The following RAB27B variants were observed in gnomAD, a reference collection of about 807,000 sequenced individuals.
The protein encoded by RAB27B is RAB27B, member RAS oncogene family.
Under a neutral mutation model 24.6 loss-of-function variants are expected in RAB27B, and 15 were observed. The ratio of observed to expected loss-of-function variants is 0.61; its 90% CI spans 0.41 to 0.94. RAB27B has a LOEUF of 0.94. Among genes scored for constraint, RAB27B ranks in the 40% least tolerant of loss-of-function variants. The probability of loss-of-function intolerance (pLI) is 0.00; values close to 1 mark genes in which losing one functional copy is unlikely to be tolerated. For missense variants in RAB27B, 261 were observed against 266.8 expected (o/e 0.98, Z 0.15); for synonymous variants, 105 against 92.5 (o/e 1.14, Z -0.78).
At chr18:54,812,262 G>T (rs112977506) in intron 2 of RAB27B, among the ~76,000 whole-genome samples, 154 of 148,402 alleles carry the variant, frequency 1.0e-3, no homozygotes, top group African/African-American at 3.6e-3. Context: ...ATGAATGAAG[G>T]ATTTGAGTTT....
upstream of RAB27B, among the ~76,000 whole-genome samples, chr18:54,824,735 A>G (rs1317689715): frequency 1.3e-5 from 2 of 152,226 alleles, no homozygotes; most frequent in African/African-American, 4.8e-5. Flanking sequence ...CAGGAAAAAG[A>G]GCAGAACATG....
At chr18:54,789,456 A>G (rs1909184736) in intron 2 of RAB27B, among the ~76,000 whole-genome samples, 1 of 152,156 alleles carries the variant, frequency 6.6e-6, no homozygotes, top group African/African-American at 2.4e-5. Context: ...TGTCCCAATA[A>G]TTAATAAATA....
intron 3 of RAB27B, chr18:54,880,558 T>A (rs1912883837): frequency 2.0e-5 from 3 of 152,140 alleles, no homozygotes; most frequent in Admixed American, 2.0e-4. Context: ...CTGGGCCCTC[T>A]CTGTTAGCTT....
chr18:54,761,765 G>T (rs1048902202), intron 2 of RAB27B, among the ~76,000 whole-genome samples: 3 of 152,174 alleles, frequency 2.0e-5, no homozygotes, highest in African/African-American at 7.2e-5. Flanking sequence ...GTTACCAGAC[G>T]ATGCCTCTGA....
intron 2 of RAB27B, among the ~76,000 whole-genome samples, chr18:54,822,645 G>T (rs879133831): frequency 6.6e-6 from 1 of 152,122 alleles, no homozygotes; most frequent in Admixed American, 6.5e-5. Flanking sequence ...ATGACTTGTA[G>T]AAAATGAATT....
chr18:54,721,849 G>T (rs1417315912), intron 2 of RAB27B, among the ~76,000 whole-genome samples: 1 of 152,188 alleles, frequency 6.6e-6, no homozygotes, highest in East Asian at 1.9e-4. Context: ...TCCTGAAAAA[G>T]TGATGTATCA....
chr18:54,883,445 G>T (rs1913008218), intron 3 of RAB27B, among the ~76,000 whole-genome samples: 1 of 152,148 alleles, frequency 6.6e-6, no homozygotes, highest in Admixed American at 6.6e-5. Flanking sequence ...CTAGTTCAAA[G>T]TTATGTGCCT....
intron 1 of RAB27B, among the ~76,000 whole-genome samples, chr18:54,858,714 C>A (rs1911890266): frequency 6.6e-6 from 1 of 152,094 alleles, no homozygotes; most frequent in Non-Finnish European, 1.5e-5. Context: ...TAAAAATCCC[C>A]TTCTCTCTGC....
chr18:54,725,751 A>AC (rs946879281), intron 2 of RAB27B, among the ~76,000 whole-genome samples: 1 of 151,198 alleles, frequency 6.6e-6, no homozygotes, highest in African/African-American at 2.4e-5. Context: ...GAGGGAAACC[A>AC]CCCCCATGAT....
At chr18:54,733,334 C>T (rs1363766624) in intron 2 of RAB27B, among the ~76,000 whole-genome samples, 1 of 152,178 alleles carries the variant, frequency 6.6e-6, no homozygotes, top group Admixed American at 6.5e-5. Context: ...AGGCATGAGC[C>T]ACCATACCCA....
intron 1 of RAB27B, among the ~76,000 whole-genome samples, chr18:54,867,601 C>A (rs1163021017): frequency 6.6e-6 from 1 of 151,968 alleles, no homozygotes; most frequent in African/African-American, 2.4e-5. Flanking sequence ...CGCGTGCCAC[C>A]AGACCCAGCT....
intron 1 of RAB27B, among the ~76,000 whole-genome samples, chr18:54,863,606 A>C (rs761082187): frequency 2.0e-5 from 3 of 152,162 alleles, no homozygotes; most frequent in Non-Finnish European, 4.4e-5. Flanking sequence ...CACCATTACT[A>C]TTTAAATCCA....
chr18:54,734,443 A>T (rs1909829140), intron 2 of RAB27B, among the ~76,000 whole-genome samples: 2 of 152,172 alleles, frequency 1.3e-5, no homozygotes, highest in South Asian at 4.1e-4. Context: ...AAGCACCAAG[A>T]AGCAGAGATC....
At chr18:54,748,929 G>A (rs904933387) in intron 2 of RAB27B, among the ~76,000 whole-genome samples, 2 of 152,182 alleles carry the variant, frequency 1.3e-5, no homozygotes, top group East Asian at 1.9e-4. Flanking sequence ...ACATCATTTT[G>A]TAAACTATTC....
intron 2 of RAB27B, among the ~76,000 whole-genome samples, chr18:54,795,330 A>C (rs1909382054): frequency 6.6e-6 from 1 of 152,184 alleles, no homozygotes; most frequent in Non-Finnish European, 1.5e-5. Context: ...ATGGATGTAC[A>C]TGTGTTACCG....
intron 2 of RAB27B, among the ~76,000 whole-genome samples, chr18:54,765,233 C>T (rs924504640): frequency 6.6e-6 from 1 of 152,092 alleles, no homozygotes; most frequent in Non-Finnish European, 1.5e-5. Context: ...TTCAAATGAT[C>T]CTTCTACCTC....
chr18:54,831,703 A>T (rs1303103921), intron 1 of RAB27B, among the ~76,000 whole-genome samples: 4 of 152,200 alleles, frequency 2.6e-5, no homozygotes, highest in African/African-American at 4.8e-5. Context: ...GTTAAAGGGT[A>T]ATACAATGAG....
chr18:54,789,182 T>C (rs1478353952), intron 2 of RAB27B, among the ~76,000 whole-genome samples: 1 of 151,580 alleles, frequency 6.6e-6, no homozygotes, highest in Non-Finnish European at 1.5e-5. Flanking sequence ...TTCTTATTGA[T>C]GATCATATCC....
At chr18:54,836,950 T>C (rs892355344) in intron 1 of RAB27B, among the ~76,000 whole-genome samples, 16 of 152,186 alleles carry the variant, frequency 1.1e-4, no homozygotes, top group Non-Finnish European at 1.8e-4. Context: ...ATGTTAAACC[T>C]GACAATACCA....
Sources: gnomAD v4.1 joint callset for allele counts (sites outside exome capture counted in the v4.1 genomes callset) on GRCh38, gnomAD v4.1.1 for gene constraint, MANE v1.5 for transcripts, NCBI Gene and HGNC (gene_info 2026-07-23, HGNC 2026-07-21) for gene names.